The following NOS1AP variants were observed in gnomAD, a reference collection of about 807,000 sequenced individuals.
The protein encoded by NOS1AP is carboxyl-terminal PDZ ligand of neuronal nitric oxide synthase protein.
Under a neutral mutation model 56.2 loss-of-function variants are expected in NOS1AP, and 21 were observed. That is an observed-to-expected ratio of 0.37 (90% CI 0.26 to 0.54). NOS1AP has a LOEUF of 0.54. Ranked by LOEUF, NOS1AP falls within the 20% of genes least tolerant of loss-of-function variation. NOS1AP has a pLI of 0.84. For missense variants in NOS1AP, 522 were observed against 657.8 expected, an observed-to-expected ratio of 0.79 and a Z score of 2.26; for synonymous variants, 270 against 274.6, an observed-to-expected ratio of 0.98 and a Z score of 0.17.
At chr1:162,298,137 G>A (rs960906225) in intron 3 of NOS1AP, among the ~76,000 whole-genome samples, 4 of 152,206 alleles carry the variant, frequency 2.6e-5, no homozygotes, top group East Asian at 1.9e-4. Context: ...CCAGGCCCCC[G>A]TGGCTGAGCC....
At chr1:162,274,630 T>C (rs1288105587) in intron 2 of NOS1AP, among the ~76,000 whole-genome samples, 8 of 152,214 alleles carry the variant, frequency 5.3e-5, no homozygotes, top group Non-Finnish European at 1.0e-4. Flanking sequence ...CAGACTTGGG[T>C]GAATACCCTA....
chr1:162,302,211 A>G (rs1655688333), intron 4 of NOS1AP, among the ~76,000 whole-genome samples: 1 of 152,194 alleles, frequency 6.6e-6, no homozygotes, highest in South Asian at 2.1e-4. Context: ...TAGGCTCTTG[A>G]GGGAAAAATC....
At chr1:162,280,336 C>T (rs1654878263) in intron 2 of NOS1AP, among the ~76,000 whole-genome samples, 1 of 152,118 alleles carries the variant, frequency 6.6e-6, no homozygotes, top group Non-Finnish European at 1.5e-5. Context: ...TATCTTGTTA[C>T]AAGAATAGCT....
intron 2 of NOS1AP, among the ~76,000 whole-genome samples, chr1:162,246,828 T>C (rs746514792): frequency 4.6e-5 from 7 of 152,114 alleles, no homozygotes; most frequent in Non-Finnish European, 1.0e-4. Flanking sequence ...GGAATGGGTA[T>C]GGCCAGTTTG....
chr1:162,161,102 C>T (rs945382420), intron 2 of NOS1AP, among the ~76,000 whole-genome samples: 1 of 152,220 alleles, frequency 6.6e-6, no homozygotes. Context: ...GCACCTCCAT[C>T]GCCTTTGGTT....
chr1:162,215,233 G>C (rs1341973257), intron 2 of NOS1AP, among the ~76,000 whole-genome samples: 1 of 152,160 alleles, frequency 6.6e-6, no homozygotes, highest in Non-Finnish European at 1.5e-5. Context: ...GTAAGTCCCA[G>C]GAAGTGCCTT....
At chr1:162,215,460 T>A (rs1374403543) in intron 2 of NOS1AP, among the ~76,000 whole-genome samples, 2 of 152,182 alleles carry the variant, frequency 1.3e-5, no homozygotes, top group Non-Finnish European at 2.9e-5. Flanking sequence ...GAGCCCTGGG[T>A]CATTGCTGTC....
At chr1:162,095,190 T>A (rs1171230467) in intron 1 of NOS1AP, among the ~76,000 whole-genome samples, 1 of 152,162 alleles carries the variant, frequency 6.6e-6, no homozygotes, top group African/African-American at 2.4e-5. Flanking sequence ...CGAATTTTTG[T>A]GTTGAGGCCC....
At chr1:162,262,987 G>A (rs1383664816) in intron 2 of NOS1AP, among the ~76,000 whole-genome samples, 1 of 152,082 alleles carries the variant, frequency 6.6e-6, no homozygotes, top group Non-Finnish European at 1.5e-5. Flanking sequence ...TCTTCTTAAA[G>A]TAACTAGTGA....
intron 2 of NOS1AP, among the ~76,000 whole-genome samples, chr1:162,170,260 A>G (rs1650700963): frequency 6.6e-6 from 1 of 152,202 alleles, no homozygotes; most frequent in Non-Finnish European, 1.5e-5. Flanking sequence ...TGCCAGTTCT[A>G]TTCTAAGCAC....
At chr1:162,235,743 G>A (rs920735149) in intron 2 of NOS1AP, among the ~76,000 whole-genome samples, 1 of 152,214 alleles carries the variant, frequency 6.6e-6, no homozygotes, top group African/African-American at 2.4e-5. Context: ...TTAATTCCTG[G>A]CATTCCGTCT....
chr1:162,264,965 C>T (rs929580400), intron 2 of NOS1AP, among the ~76,000 whole-genome samples: 3 of 152,012 alleles, frequency 2.0e-5, no homozygotes, highest in African/African-American at 4.8e-5. Flanking sequence ...AGGCATGCAC[C>T]GCTACCGCCT....
chr1:162,356,865 C>T (rs1657719835), intron 7 of NOS1AP, 95 bp from the exon 8 acceptor site: 5 of 1,606,446 alleles, frequency 3.1e-6, no homozygotes, highest in Non-Finnish European at 8.5e-7. Context: ...TGTAAGTGTG[C>T]CAATTTGCTC....
intron 1 of NOS1AP, among the ~76,000 whole-genome samples, chr1:162,151,168 T>C (rs1649689690): frequency 6.6e-6 from 1 of 152,238 alleles, no homozygotes; most frequent in South Asian, 2.1e-4. Context: ...CCAGTTTTAT[T>C]CTTCTACATA....
chr1:162,270,133 C>T (rs1048180229), intron 2 of NOS1AP, among the ~76,000 whole-genome samples: 8 of 152,308 alleles, frequency 5.3e-5, no homozygotes, highest in African/African-American at 1.9e-4. Flanking sequence ...ATTATTCTGC[C>T]TCTAGGTATG....
chr1:162,339,253 A>G (rs914620064), intron 5 of NOS1AP, among the ~76,000 whole-genome samples: 1 of 152,168 alleles, frequency 6.6e-6, no homozygotes, highest in African/African-American at 2.4e-5. Context: ...AATCTTGACA[A>G]TGAAGAGCCC....
At chr1:162,227,166 A>T (rs960420067) in intron 2 of NOS1AP, among the ~76,000 whole-genome samples, 2 of 152,232 alleles carry the variant, frequency 1.3e-5, no homozygotes, top group African/African-American at 4.8e-5. Context: ...ACATTCATAG[A>T]GTAGATTCTT....
chr1:162,324,902 G>A (rs1656535760), intron 4 of NOS1AP, among the ~76,000 whole-genome samples: 1 of 152,146 alleles, frequency 6.6e-6, no homozygotes, highest in Non-Finnish European at 1.5e-5. Context: ...ACTGTGCTGC[G>A]ATGAAGCAGA....
intron 2 of NOS1AP, among the ~76,000 whole-genome samples, chr1:162,198,852 A>G (rs1028075560): frequency 1.3e-5 from 2 of 152,144 alleles, no homozygotes; most frequent in Non-Finnish European, 2.9e-5. Context: ...CAGCACCACT[A>G]TTCATATGTG....
Sources: gnomAD v4.1 joint callset for allele counts (sites outside exome capture counted in the v4.1 genomes callset) on GRCh38, gnomAD v4.1.1 for gene constraint, MANE v1.5 for transcripts, NCBI Gene and HGNC (gene_info 2026-07-23, HGNC 2026-07-21) for gene names.